CLVS1: variants seen among roughly 807,000 people sequenced by gnomAD.
The protein encoded by CLVS1 is clavesin 1, also known as clavesin-1.
CLVS1 carries 10 observed loss-of-function variants against 33.1 expected under a neutral mutation model. That is an observed-to-expected ratio of 0.30 (90% CI 0.19 to 0.51). The LOEUF (loss-of-function observed/expected upper bound fraction) is 0.51. Among genes scored for constraint, CLVS1 ranks in the 20% least tolerant of loss-of-function variants. The pLI, the probability that CLVS1 is intolerant of heterozygous loss-of-function variation, is 0.97. For missense variants in CLVS1, 343 were observed against 433.4 expected (o/e 0.79, Z 1.85); for synonymous variants, 163 against 166.1 (o/e 0.98, Z 0.14).
rs1394549214 is a variant in CLVS1 at position 61,500,915 on chromosome 8, A to ATTAT, written c.*1375_*1378dup. 6.6e-6 allele frequency: 1 copy of ATTAT among 152,214 alleles called. No homozygotes were observed. Among genetic ancestry groups the ATTAT allele is most frequent in the Non-Finnish European group, 1.5e-5 (1 of 68,030 alleles). The allele number at this position is 152,214 out of a possible 1,614,324, so 9.4% of individuals were successfully genotyped here. On this transcript the variant is annotated 3_prime_UTR_variant, in exon 6 of 6. Coordinates refer to ENST00000325897, the MANE Select transcript of CLVS1 (RefSeq NM_173519.3). The stretch of plus-strand genomic sequence containing the variant: ...ACTGGTCATAATCACCCCTGATAAT[A>ATTAT]TTATTACTAATCTTAATTATTTATT...
At chr8:61,482,463 G>C (rs1586040216) in intron 5 of CLVS1, among the ~76,000 whole-genome samples, 1 of 152,184 alleles carries the variant, frequency 6.6e-6, no homozygotes, top group African/African-American at 2.4e-5. Context: ...CTTGAAAAAA[G>C]ATTAGACGAA....
the CLVS1 span, among the ~76,000 whole-genome samples, chr8:60,996,806 C>T: frequency 3.9e-5 from 6 of 152,148 alleles, no homozygotes; most frequent in African/African-American, 1.2e-4. Context: ...TCAAGCCCTG[C>T]GCGATTGCCT....
chr8:61,322,744 A>G (rs1811241967), intron 2 of CLVS1, among the ~76,000 whole-genome samples: 1 of 152,170 alleles, frequency 6.6e-6, no homozygotes, highest in African/African-American at 2.4e-5. Context: ...TCTTTTTGGA[A>G]GCAGTACTCT....
At chr8:61,331,943 C>T (rs1181101369) in intron 2 of CLVS1, among the ~76,000 whole-genome samples, 1 of 152,056 alleles carries the variant, frequency 6.6e-6, no homozygotes, top group Non-Finnish European at 1.5e-5. Context: ...GACAAATCAT[C>T]CCTTGGATGG....
At chr8:61,150,590 ATGCAGATC>A (rs1333033402) in intron 2 of CLVS1, among the ~76,000 whole-genome samples, 10 of 152,098 alleles carry the variant, frequency 6.6e-5, no homozygotes, top group Admixed American at 6.5e-4. Flanking sequence ...CCTGCCCACA[ATGCAGATC>A]AGCAGTCCAG....
At chr8:61,047,669 A>T in the CLVS1 span, among the ~76,000 whole-genome samples, 2 of 152,240 alleles carry the variant, frequency 1.3e-5, no homozygotes, top group Non-Finnish European at 2.9e-5. Flanking sequence ...GGAAATCATC[A>T]TTCTCAGTAT....
the CLVS1 span, chr8:60,966,110 C>T: frequency 3.7e-6 from 1 of 270,480 alleles, no homozygotes; most frequent in Non-Finnish European, 7.4e-6. Flanking sequence ...CTGCGCCTGG[C>T]CCCAGTGTTC....
At chr8:61,149,556 A>AAAAAAAAAC (rs1480967695) in intron 2 of CLVS1, among the ~76,000 whole-genome samples, 2 of 149,242 alleles carry the variant, frequency 1.3e-5, no homozygotes. Flanking sequence ...TGTCTCAAAA[A>AAAAAAAAAC]AAAAAAAAAA....
chr8:61,292,131 A>G, intron 1 of CLVS1: 1 of 276,910 alleles, frequency 3.6e-6, no homozygotes, highest in Middle Eastern at 5.5e-4. Context: ...TTTTTTTTTT[A>G]ATATTCTCAC....
chr8:61,231,028 G>T (rs984741198), intron 2 of CLVS1, among the ~76,000 whole-genome samples: 2 of 152,062 alleles, frequency 1.3e-5, no homozygotes, highest in African/African-American at 4.8e-5. Context: ...CCATCACCTT[G>T]GGGATTAGGT....
chr8:61,452,820 T>G (rs1375589586), intron 3 of CLVS1, among the ~76,000 whole-genome samples: 1 of 152,182 alleles, frequency 6.6e-6, no homozygotes, highest in Non-Finnish European at 1.5e-5. Flanking sequence ...AATGTCTAGG[T>G]AGAGGAAAAA....
intron 1 of CLVS1, among the ~76,000 whole-genome samples, chr8:61,078,747 C>T (rs150751676): frequency 1.3e-5 from 2 of 152,266 alleles, no homozygotes; most frequent in African/African-American, 4.8e-5. Context: ...TTGAGAGACT[C>T]CTTTTGAGTT....
chr8:61,121,766 A>C (rs1005455670), intron 1 of CLVS1, among the ~76,000 whole-genome samples: 3 of 152,246 alleles, frequency 2.0e-5, no homozygotes, highest in Admixed American at 6.5e-5. Context: ...ACACCCACAC[A>C]CACACAGACA....
chr8:61,253,314 T>C (rs1054581848), intron 2 of CLVS1, among the ~76,000 whole-genome samples: 1 of 152,236 alleles, frequency 6.6e-6, no homozygotes, highest in African/African-American at 2.4e-5. Context: ...GGACTTCCCT[T>C]TATGGGTAAC....
the CLVS1 span, among the ~76,000 whole-genome samples, chr8:60,977,803 C>G: frequency 2.0e-5 from 3 of 152,076 alleles, no homozygotes; most frequent in African/African-American, 7.2e-5. Context: ...TACATAAATC[C>G]AAGAAGTTCA....
chr8:61,035,212 G>T, the CLVS1 span, among the ~76,000 whole-genome samples: 1 of 106,378 alleles, frequency 9.4e-6, no homozygotes, highest in Non-Finnish European at 2.0e-5. Flanking sequence ...GAGATCTGCA[G>T]CTTCTAGTTT....
At chr8:61,290,931 T>G (rs1809966130) in intron 1 of CLVS1, among the ~76,000 whole-genome samples, 1 of 152,232 alleles carries the variant, frequency 6.6e-6, no homozygotes, top group Non-Finnish European at 1.5e-5. Context: ...AGGTCCACAG[T>G]GTGAATTTTG....
intron 1 of CLVS1, among the ~76,000 whole-genome samples, chr8:61,075,476 T>C (rs16926792): frequency 0.041 from 6,190 of 152,248 alleles, 441 homozygotes; most frequent in African/African-American, 0.14. Context: ...CTGTTACATT[T>C]CCCTAAATGC....
the CLVS1 span, chr8:60,966,331 T>G: frequency 2.2e-6 from 1 of 455,148 alleles, no homozygotes. Context: ...TCTGCCTTTT[T>G]GTCTTCTCCT....
Sources: gnomAD v4.1 joint callset for allele counts (sites outside exome capture counted in the v4.1 genomes callset) on GRCh38, gnomAD v4.1.1 for gene constraint, MANE v1.5 for transcripts, NCBI Gene and HGNC (gene_info 2026-07-23, HGNC 2026-07-21) for gene names.